YEATS2: variants seen among roughly 807,000 people sequenced by gnomAD.
The protein encoded by YEATS2 is YEATS domain containing 2.
In YEATS2, 77 loss-of-function variants were observed where a neutral mutation model predicts 163.2. The ratio of observed to expected loss-of-function variants is 0.47; its 90% CI spans 0.39 to 0.57. The LOEUF (loss-of-function observed/expected upper bound fraction) is 0.57, where lower values mean the gene tolerates loss of function less well. Ranked by LOEUF, YEATS2 falls within the 20% of genes least tolerant of loss-of-function variation. The pLI is 0.00. For missense variants in YEATS2, 1,549 were observed against 1,729.8 expected (o/e 0.90, Z 1.85); for synonymous variants, 631 against 645.1 (o/e 0.98, Z 0.33).
chr3:183,784,120 G>C (rs948934585), intron 19 of YEATS2, among the ~76,000 whole-genome samples: 1 of 152,164 alleles, frequency 6.6e-6, no homozygotes, highest in Non-Finnish European at 1.5e-5. Flanking sequence ...GGCTGGTCTT[G>C]AACTCCTGGG....
At chr3:183,772,241 A>G (rs2109427719) in intron 15 of YEATS2, 64 bp from the exon 16 acceptor site, 2 of 1,599,964 alleles carry the variant, frequency 1.3e-6, no homozygotes, top group South Asian at 1.1e-5. Flanking sequence ...GCTCTCTGCC[A>G]AAACGGTGAC....
At chr3:183,809,586 A>C (rs1378455712) in intron 30 of YEATS2, 2 of 158,068 alleles carry the variant, frequency 1.3e-5, no homozygotes, top group African/African-American at 4.8e-5. Context: ...TTGAAAGGTA[A>C]TTTTACCCAG....
chr3:183,806,883 T>G lies in YEATS2; in HGVS notation c.3802T>G (p.Ser1268Ala), dbSNP rs1192517653. The change falls in exon 28 of 31, where the codon TCC becomes GCC. Residue 1268 changes from serine to alanine, a missense_variant. Physicochemically the swap from Ser to Ala is moderately conservative, Grantham distance 99. Transcript: ENST00000305135. ...DSEPECPSSFSSADNLCRKLE... is the reference protein window; with the variant it reads ...DSEPECPSSFASADNLCRKLE... ...TCATTTAGAGTGCCCATCATCATTCTCCTCTGCTGACAACCTCTGCCGCAA... is the reference window on the plus strand; with the variant it reads ...TCATTTAGAGTGCCCATCATCATTCGCCTCTGCTGACAACCTCTGCCGCAA... 1 of 1,613,746 alleles carries G rather than the reference T, an allele frequency of 6.2e-7. No homozygotes were observed. Among genetic ancestry groups the G allele is most frequent in the African/African-American group, 1.3e-5 (1 of 74,864 alleles).
At chr3:183,791,336 T>C (rs1211468951) in intron 21 of YEATS2, among the ~76,000 whole-genome samples, 2 of 152,144 alleles carry the variant, frequency 1.3e-5, no homozygotes, top group African/African-American at 4.8e-5. Context: ...TGCCCAGCTA[T>C]TTTTTTGGAG....
intron 6 of YEATS2, among the ~76,000 whole-genome samples, chr3:183,728,446 C>T (rs1213338706): frequency 6.6e-6 from 1 of 152,220 alleles, no homozygotes; most frequent in Non-Finnish European, 1.5e-5. Flanking sequence ...CCTCCCGTTT[C>T]AGCCTCCTGA....
At chr3:183,795,427 T>TA (rs1725046203) in intron 21 of YEATS2, among the ~76,000 whole-genome samples, 1 of 148,742 alleles carries the variant, frequency 6.7e-6, no homozygotes, top group Non-Finnish European at 1.5e-5. Flanking sequence ...TGGCTGGTAC[T>TA]ACAGGGGCAT....
chr3:183,804,009 G>A lies in YEATS2; in HGVS notation c.3605G>A (p.Arg1202Gln), dbSNP rs759508675. The part of the protein sequence containing the change: ...AAEWQRAMTM[R>Q]KVLQEILEKN... ...AAGTGGCAAAGAGCAATGACAATGC[G>A]AAAAGTCTTACAAGAAATCCTGGAG... Residue 1202 changes from arginine (R) to glutamine (Q), a missense_variant, in exon 27 of 31, where the codon CGA becomes CAA. Arg to Gln is a conservative substitution (Grantham distance 43). Coordinates refer to ENST00000305135, the MANE Select transcript of YEATS2 (RefSeq NM_018023.5). 32 of 1,614,018 alleles carry A rather than the reference G, an allele frequency of 2.0e-5. No individual in the cohort carries two copies. The East Asian group carries it at 2.2e-4, about 11-fold the overall frequency.
chr3:183,797,040 G>A (rs565350476), intron 21 of YEATS2, among the ~76,000 whole-genome samples: 20 of 151,718 alleles, frequency 1.3e-4, no homozygotes, highest in African/African-American at 4.6e-4. Flanking sequence ...AGGCCTAGGT[G>A]AGTGGATCAC....
At chr3:183,805,947 G>A (rs993558669) in intron 27 of YEATS2, among the ~76,000 whole-genome samples, 6 of 152,154 alleles carry the variant, frequency 3.9e-5, no homozygotes, top group South Asian at 4.2e-4. Flanking sequence ...AGCAGAGACC[G>A]TGTTAATGAT....
chr3:183,764,636 TCTATA>T lies in YEATS2; in HGVS notation c.1947+2361_1947+2365del, dbSNP rs1451103009. Among the ~76,000 whole-genome samples the T allele has an allele frequency of 2.6e-5, 4 of 151,704 alleles. No homozygotes were observed. The East Asian group carries it at 7.8e-4, about 30-fold the overall frequency. On this transcript the variant is annotated intron_variant, in intron 15 of 30. Coordinates refer to ENST00000305135, the MANE Select transcript of YEATS2 (RefSeq NM_018023.5). ...ATCAGGCCAACATAGTGAAACCCCG[TCTATA>T]CTAAAAATACAAAAAATTATTTGGG...
At chr3:183,780,309 A>G (rs1387724240) in intron 19 of YEATS2, among the ~76,000 whole-genome samples, 1 of 152,216 alleles carries the variant, frequency 6.6e-6, no homozygotes, top group Admixed American at 6.5e-5. Flanking sequence ...TGCTCTTGCC[A>G]CAGTACCCAA....
intron 5 of YEATS2, among the ~76,000 whole-genome samples, chr3:183,723,364 C>T (rs1716736945): frequency 6.6e-6 from 1 of 152,184 alleles, no homozygotes; most frequent in Non-Finnish European, 1.5e-5. Context: ...TTCCAAGTTA[C>T]TTTCCACATA....
At position 183,736,427 on chromosome 3, in the gene YEATS2, G is replaced by T. The variant is rs114149762; in HGVS notation, c.813-291G>T. ...CCTCGCTCTCTAGTGACATTCATCA[G>T]ATCAACCTAGTTCCCTCGTCTGTGA... On this transcript the variant is annotated intron_variant, in intron 7 of 30. Coordinates refer to ENST00000305135, the MANE Select transcript of YEATS2 (RefSeq NM_018023.5). 8.9e-3 allele frequency among the ~76,000 whole-genome samples: 1,351 copies of T among 152,270 alleles called. 15 individuals are homozygous for T. Among genetic ancestry groups the T allele is most frequent in the African/African-American group, 0.031 (1,276 of 41,554 alleles).
At chr3:183,769,094 C>T (rs1312957841) in intron 15 of YEATS2, among the ~76,000 whole-genome samples, 3 of 152,126 alleles carry the variant, frequency 2.0e-5, no homozygotes, top group African/African-American at 7.2e-5. Flanking sequence ...AAAATTGGTT[C>T]TTTTATTCTG....
intron 9 of YEATS2, among the ~76,000 whole-genome samples, chr3:183,750,300 T>C (rs746023065): frequency 3.9e-4 from 59 of 152,234 alleles, no homozygotes; most frequent in Admixed American, 8.5e-4. Context: ...ATTGTATGTA[T>C]ATACCACATT....
chr3:183,786,234 C>T lies in YEATS2; in HGVS notation c.2846C>T (p.Ala949Val), dbSNP rs770982839. Reference protein sequence around the residue: ...SKPGTTMLRVAGGVITTATSP... With the variant: ...SKPGTTMLRVVGGVITTATSP... ...CCTGGAACCACAATGCTGAGAGTAGCAGGAGGGGTTATCACAACTGCCACT... is the reference window on the plus strand; with the variant it reads ...CCTGGAACCACAATGCTGAGAGTAGTAGGAGGGGTTATCACAACTGCCACT... Residue 949 changes from alanine (A) to valine (V), a missense_variant, in exon 20 of 31, where the codon GCA becomes GTA. Ala to Val is a moderately conservative substitution (Grantham distance 64, BLOSUM62 0). Transcript: ENST00000305135. 3.1e-6 allele frequency: 5 copies of T among 1,614,084 alleles called. No homozygotes were observed. The highest frequency in any genetic ancestry group is 4.2e-6 in the Non-Finnish European group (5 of 1,179,992).
intron 1 of YEATS2, among the ~76,000 whole-genome samples, chr3:183,699,812 A>G (rs1049365975): frequency 4.6e-5 from 7 of 152,184 alleles, no homozygotes; most frequent in Non-Finnish European, 8.8e-5. Flanking sequence ...TCCTTTTATC[A>G]GGGCTTCTGA....
At position 183,761,511 on chromosome 3, in the gene YEATS2, A is replaced by G; in HGVS notation, c.1661A>G (p.Glu554Gly). The G allele has an allele frequency of 6.2e-7, 1 of 1,613,914 alleles. No homozygotes were observed. Among genetic ancestry groups the G allele is most frequent in the Non-Finnish European group, 8.5e-7 (1 of 1,179,818 alleles). Residue 554 changes from glutamate to glycine, a missense_variant, in exon 14 of 31, where the codon GAG (glutamate) becomes GGG (glycine). Physicochemically the swap from Glu to Gly is moderately conservative, Grantham distance 98 (BLOSUM62 -2). Transcript: ENST00000305135. ...TATGTATTTTTACACACACAGCAGGAGGATTCTTTGTTTGCATCTATGCCA... is the reference window on the plus strand; with the variant it reads ...TATGTATTTTTACACACACAGCAGGGGGATTCTTTGTTTGCATCTATGCCA... ...SSFVTSTVKQ[E>G]DSLFASMPPL...
intron 1 of YEATS2, among the ~76,000 whole-genome samples, chr3:183,700,470 C>G (rs1713940980): frequency 6.6e-6 from 1 of 152,110 alleles, no homozygotes; most frequent in African/African-American, 2.4e-5. Flanking sequence ...ATCTCCCTGC[C>G]TTTGGTCCTG....
Sources: gnomAD v4.1 joint callset for allele counts (sites outside exome capture counted in the v4.1 genomes callset) on GRCh38, gnomAD v4.1.1 for gene constraint, MANE v1.5 for transcripts, NCBI Gene and HGNC (gene_info 2026-07-23, HGNC 2026-07-21) for gene names.